The following ATP8B3 variants were observed in gnomAD, a reference collection of about 807,000 sequenced individuals.
The protein encoded by ATP8B3 is phospholipid-transporting ATPase IK.
A neutral mutation model predicts 140.9 loss-of-function variants in ATP8B3; 141 were observed. That is an observed-to-expected ratio of 1.00 (90% CI 0.87 to 1.15). The LOEUF is 1.15. ATP8B3 is among the 50% of genes most tolerant of loss of function. The pLI, the probability that ATP8B3 is intolerant of heterozygous loss-of-function variation, is 0.00. For synonymous variants in ATP8B3, 765 were observed against 714.6 expected, an observed-to-expected ratio of 1.07 and a Z score of -1.13; for missense variants, 1,874 against 1,740.6, an observed-to-expected ratio of 1.08 and a Z score of -1.36.
In ATP8B3 at chr19:1,789,880, C is replaced by T. The variant is rs374099956; in HGVS notation, c.2478+10G>A. On this transcript the variant is annotated intron_variant, in intron 22 of 28. Coordinates refer to ENST00000310127, the MANE Select transcript of ATP8B3 (RefSeq NM_138813.4). ...CCGGGACCCCGCCGTCCACCCTGAG[C>T]GACACTGACCAGGAAGTCTCCGTTA... is the stretch of plus-strand genomic sequence containing the variant. The T allele has an allele frequency of 2.5e-6, 4 of 1,610,506 alleles. No homozygotes were observed. The highest frequency in any genetic ancestry group is 3.4e-6 in the Non-Finnish European group (4 of 1,178,404).
chr19:1,799,656 C>CG (rs528298815), intron 14 of ATP8B3: 1 of 545,298 alleles, frequency 1.8e-6, no homozygotes, highest in South Asian at 2.5e-5. Context: ...CCCAGCTACT[C>CG]GGGAGGCTGA....
chr19:1,810,945 G>T (rs2069171597), intron 2 of ATP8B3, among the ~76,000 whole-genome samples: 1 of 152,054 alleles, frequency 6.6e-6, no homozygotes, highest in Non-Finnish European at 1.5e-5. Context: ...AGCCACCCTG[G>T]TCGCCTCCCG....
chr19:1,795,529 C>T (rs943687862), intron 18 of ATP8B3, among the ~76,000 whole-genome samples: 5 of 151,924 alleles, frequency 3.3e-5, no homozygotes, highest in Non-Finnish European at 5.9e-5. Context: ...CCAGCCTGGG[C>T]GACAGAGCAA....
rs533585270 is a variant in ATP8B3, at chr19:1,788,208, G to A, written c.3069+689C>T. 1.3e-3 allele frequency among the ~76,000 whole-genome samples: 199 copies of A among 152,326 alleles called. 2 individuals carry two copies. The highest frequency in any genetic ancestry group is 1.6e-3 in the Non-Finnish European group (111 of 68,028). On this transcript the variant is annotated intron_variant, in intron 24 of 28. Coordinates refer to ENST00000310127, the MANE Select transcript of ATP8B3 (RefSeq NM_138813.4). Reference sequence around the variant, plus strand: ...TACACGCAGGGAATAGCACTGCCCTGGGGCTCCTCTAGTCCTTGTCAGGAT... The same window carrying A: ...TACACGCAGGGAATAGCACTGCCCTAGGGCTCCTCTAGTCCTTGTCAGGAT...
At position 1,802,567 on chromosome 19, in the gene ATP8B3, G is replaced by A. The variant is rs1428651519; in HGVS notation, c.983C>T (p.Ser328Phe). The A allele has an allele frequency of 6.2e-7, 1 of 1,611,372 alleles. No homozygotes were observed. The highest frequency in any genetic ancestry group is 1.1e-5 in the South Asian group (1 of 90,996). ...GAGGAGGAGGTTGCCAATGTCCAGGGAGTATTTCTTGTCATTCCATTCCAG... is the reference window on the plus strand; with the variant it reads ...GAGGAGGAGGTTGCCAATGTCCAGGAAGTATTTCTTGTCATTCCATTCCAG... ...GCLEWNDKKYSLDIGNLLLRG... is the reference protein window; with the variant it reads ...GCLEWNDKKYFLDIGNLLLRG... The change falls in exon 11 of 29, where the codon TCC becomes TTC. Residue 328 changes from serine (S) to phenylalanine (F), a missense_variant. Coordinates refer to ENST00000310127, the MANE Select transcript of ATP8B3 (RefSeq NM_138813.4).
intron 3 of ATP8B3, among the ~76,000 whole-genome samples, chr19:1,810,023 G>C (rs769546361): frequency 2.6e-5 from 4 of 152,260 alleles, no homozygotes; most frequent in Non-Finnish European, 5.9e-5. Flanking sequence ...GTTCAGGCCT[G>C]TACATTTTAC....
rs760316307 is a variant in ATP8B3, at chr19:1,808,215, G to A, written c.516+7C>T. 883 of 1,601,728 alleles carry A rather than the reference G, an allele frequency of 5.5e-4. No homozygotes were observed. The highest frequency in any genetic ancestry group is 7.2e-4 in the Non-Finnish European group (846 of 1,170,706). ...GGGGACTTCCTGGAGGAGGCAACAC[G>A]CCTCACCTGCAGGATGATGATGATG... On this transcript the variant is annotated splice_region_variant and intron_variant, in intron 5 of 28. Coordinates refer to ENST00000310127, the MANE Select transcript of ATP8B3 (RefSeq NM_138813.4).
At position 1,802,059 on chromosome 19, in the gene ATP8B3, C is replaced by A; in HGVS notation, c.1064-15G>T. 1.3e-6 allele frequency: 2 copies of A among 1,574,982 alleles called. No homozygotes were observed. Among genetic ancestry groups the A allele is most frequent in the Non-Finnish European group, 1.7e-6 (2 of 1,161,648 alleles). ...TGTGTCAAAACCTACAAACATGTAT[C>A]CATCTATCCACCCACCCACCCACCC... On this transcript the variant is annotated splice_polypyrimidine_tract_variant and intron_variant, in intron 11 of 28. Coordinates refer to ENST00000310127, the MANE Select transcript of ATP8B3 (RefSeq NM_138813.4).
rs377559270 is a variant in ATP8B3, at chr19:1,808,342, C to T, written c.403-7G>A. ...CCGTGCGGATGACATTGGTCTGGAA[C>T]GAGAGCCGCGGGCTGCCTGGCAGAG... is the stretch of plus-strand genomic sequence containing the variant. On this transcript the variant is annotated splice_polypyrimidine_tract_variant and splice_region_variant and intron_variant, in intron 4 of 28. Coordinates refer to ENST00000310127, the MANE Select transcript of ATP8B3 (RefSeq NM_138813.4). 3.9e-5 allele frequency: 63 copies of T among 1,606,246 alleles called. No homozygotes were observed. The highest frequency in any genetic ancestry group is 3.2e-4 in the African/African-American group (24 of 74,738).
chr19:1,785,517 G>A lies in ATP8B3; in HGVS notation c.3345C>T (p.Ser1115=). 6.2e-7 allele frequency: 1 copy of A among 1,613,084 alleles called. No individual in the cohort carries two copies. The change falls in exon 26 of 29, where the codon TCC becomes TCT. Residue 1115 remains serine, a synonymous_variant. Coordinates refer to ENST00000310127, the MANE Select transcript of ATP8B3 (RefSeq NM_138813.4). ...AGPASFSDHQ[S]FAVVVALSCL... ...AAGACAGGGCCACCACGACCGCAAA[G>A]GACTGGTGGTCGCTGAAGCTGGCGG...
chr19:1,801,361 G>T (rs1256754174), intron 12 of ATP8B3, among the ~76,000 whole-genome samples: 1 of 152,086 alleles, frequency 6.6e-6, no homozygotes, highest in African/African-American at 2.4e-5. Flanking sequence ...ATGTTGTTCA[G>T]GCTGGTCTCA....
rs1031078527 is a variant in ATP8B3 at position 1,811,816 on chromosome 19, G to T, written c.-80C>A. On this transcript the variant is annotated 5_prime_UTR_variant, in exon 2 of 29. Coordinates refer to ENST00000310127, the MANE Select transcript of ATP8B3 (RefSeq NM_138813.4). ...CGGGGGAGAGGTGGGGGAGACCCCC[G>T]TGGGGGCAGACTGGGGATTGGAGAG... The T allele has an allele frequency of 5.3e-5, 75 of 1,420,198 alleles. No individual in the cohort carries two copies. Among genetic ancestry groups the T allele is most frequent in the Admixed American group, 2.4e-5 (1 of 41,612 alleles). The allele number at this position is 1,420,198 out of a possible 1,614,324, so 88.0% of individuals were successfully genotyped here. A position where few individuals can be genotyped will look rare whatever the true frequency, so the allele number is the denominator to read the frequency against.
At chr19:1,792,212 G>T (rs985593256) in intron 18 of ATP8B3, 77 bp from the exon 19 acceptor site, 1 of 1,441,956 alleles carries the variant, frequency 6.9e-7, no homozygotes, top group Non-Finnish European at 9.1e-7. Flanking sequence ...ACCCCCTGCC[G>T]GGCTCCGGAG....
At chr19:1,802,741 C>T in intron 10 of ATP8B3, 96 bp from the exon 11 acceptor site, 1 of 1,426,360 alleles carries the variant, frequency 7.0e-7, no homozygotes, top group Non-Finnish European at 9.4e-7. Flanking sequence ...CGGCCACCCT[C>T]ACGAGCCCCT....
chr19:1,805,478 A>AGG lies in ATP8B3; in HGVS notation c.822-24_822-23dup. 6.5e-7 allele frequency: 1 copy of AGG among 1,542,522 alleles called. No individual in the cohort carries two copies. Among genetic ancestry groups the AGG allele is most frequent in the Non-Finnish European group, 8.8e-7 (1 of 1,137,270 alleles). ...CTCCCTGGTGACGAGGAGAGGAGGG[A>AGG]GGTGAAAGTGGAGTTGATGGATGCT... On this transcript the variant is annotated intron_variant, in intron 9 of 28. Transcript: ENST00000310127. This position sits in a 1 kb window ranked among gnomAD's most constrained non-coding sequence, Gnocchi z 5.2.
chr19:1,804,890 C>G (rs2068965070), intron 10 of ATP8B3, among the ~76,000 whole-genome samples: 1 of 152,270 alleles, frequency 6.6e-6, no homozygotes, highest in Non-Finnish European at 1.5e-5. Context: ...ACAGGAATTG[C>G]CAGCCCATGC....
chr19:1,792,887 C>T (rs1236469164), intron 18 of ATP8B3, among the ~76,000 whole-genome samples: 4 of 150,418 alleles, frequency 2.7e-5, no homozygotes, highest in Non-Finnish European at 5.9e-5. Context: ...CGCACTCCAG[C>T]CTGAGTATCA....
Position 1,782,230 on chromosome 19 carries a change from C to A in ATP8B3, c.*798G>T. The stretch of plus-strand genomic sequence containing the variant: ...GAAGGACATCTTCCTGATATGCCAG[C>A]GTGACTCCTTTGGGCTCGAAGATGC... On this transcript the variant is annotated 3_prime_UTR_variant, in exon 29 of 29. Coordinates refer to ENST00000310127, the MANE Select transcript of ATP8B3 (RefSeq NM_138813.4). 1 of 306,772 alleles carries A rather than the reference C, an allele frequency of 3.3e-6. No homozygotes were observed. The highest frequency in any genetic ancestry group is 6.2e-6 in the Non-Finnish European group (1 of 160,962). 19.0% of individuals were successfully genotyped at this position (306,772 alleles called of 1,614,324 possible). A position where few individuals can be genotyped will look rare whatever the true frequency, so the allele number is the denominator to read the frequency against.
At chr19:1,801,721 C>T (rs1044828436) in intron 12 of ATP8B3, among the ~76,000 whole-genome samples, 6 of 152,070 alleles carry the variant, frequency 3.9e-5, no homozygotes, top group South Asian at 4.2e-4. Flanking sequence ...CACTGCACTC[C>T]GGCCTGGTGA....
Sources: gnomAD v4.1 joint callset for allele counts (sites outside exome capture counted in the v4.1 genomes callset) on GRCh38, gnomAD v4.1.1 for gene constraint, Gnocchi (gnomAD v3.1) non-coding constraint, MANE v1.5 for transcripts, NCBI Gene and HGNC (gene_info 2026-07-23, HGNC 2026-07-21) for gene names.